SVIL: variants seen among roughly 807,000 people sequenced by gnomAD.
The protein encoded by SVIL is archvillin.
A neutral mutation model predicts 240.4 loss-of-function variants in SVIL; 101 were observed. The ratio of observed to expected loss-of-function variants is 0.42; its 90% CI spans 0.36 to 0.50. The LOEUF is 0.50. Ranked by LOEUF, SVIL falls within the 20% of genes least tolerant of loss-of-function variation. SVIL has a pLI of 0.01. For synonymous variants in SVIL, 999 were observed against 1,100.0 expected, an observed-to-expected ratio of 0.91 and a Z score of 1.82; for missense variants, 2,512 against 2,818.7, an observed-to-expected ratio of 0.89 and a Z score of 2.46.
chr10:29,505,168 C>T (rs1246521954), intron 17 of SVIL, among the ~76,000 whole-genome samples: 1 of 152,022 alleles, frequency 6.6e-6, no homozygotes, highest in African/African-American at 2.4e-5. Context: ...ACTAAAAATA[C>T]AAAACAATTA....
At chr10:29,552,173 T>C (rs1273336319) in intron 5 of SVIL, among the ~76,000 whole-genome samples, 2 of 151,950 alleles carry the variant, frequency 1.3e-5, no homozygotes, top group Non-Finnish European at 2.9e-5. Flanking sequence ...ACTAATAACA[T>C]TTTTATATAT....
upstream of SVIL, among the ~76,000 whole-genome samples, chr10:29,635,828 A>G (rs1958291374): frequency 6.6e-6 from 1 of 152,076 alleles, no homozygotes; most frequent in Non-Finnish European, 1.5e-5. Context: ...CAAACCCCAT[A>G]AGACTTGGGC....
chr10:29,638,274 C>A (rs557058773), upstream of SVIL, among the ~76,000 whole-genome samples: 1 of 152,110 alleles, frequency 6.6e-6, no homozygotes, highest in East Asian at 1.9e-4. Flanking sequence ...ACATCCTAGC[C>A]AACGTGGTGA....
chr10:29,580,171 AT>A (rs891188311), intron 1 of SVIL, among the ~76,000 whole-genome samples: 3 of 151,692 alleles, frequency 2.0e-5, no homozygotes, highest in African/African-American at 7.3e-5. Context: ...TCTACAAAAA[AT>A]TTAAAAAAAA....
chr10:29,593,186 A>C (rs1956455624), intron 1 of SVIL, among the ~76,000 whole-genome samples: 1 of 152,256 alleles, frequency 6.6e-6, no homozygotes, highest in African/African-American at 2.4e-5. Flanking sequence ...GTCATTTTAT[A>C]GTAAAATCAT....
In SVIL at chr10:29,515,420, A is replaced by C. The variant is rs114173245; in HGVS notation, c.3390-2559T>G. On this transcript the variant is annotated intron_variant, in intron 16 of 37. Coordinates refer to ENST00000355867, the MANE Select transcript of SVIL (RefSeq NM_021738.3). ...ATAATCTCACAAAATGAAATCATTA[A>C]AAGAAATTCATATTTGCATGCTGTA... is the stretch of plus-strand genomic sequence containing the variant. Among the ~76,000 whole-genome samples the C allele has an allele frequency of 1.3e-3, 198 of 152,360 alleles. 1 individual carries two copies. The highest frequency in any genetic ancestry group is 4.6e-3 in the African/African-American group (191 of 41,580).
chr10:29,723,326 G>A (rs1964099233), intron 1 of SVIL, among the ~76,000 whole-genome samples: 1 of 152,258 alleles, frequency 6.6e-6, no homozygotes, highest in African/African-American at 2.4e-5. Context: ...GTTGCAGTGA[G>A]CTGGGATCGT....
At position 29,488,722 on chromosome 10, in the gene SVIL, C is replaced by T. The variant is rs1286053190; in HGVS notation, c.4227G>A (p.Leu1409=). ...AGTTTTCTTTACTGGCTAAACCCGCCAGGGTGACTTCTGAGAAGTTGGAGT... is the reference window on the plus strand; with the variant it reads ...AGTTTTCTTTACTGGCTAAACCCGCTAGGGTGACTTCTGAGAAGTTGGAGT... ...SSNSNFSEVT[L]AGLASKENFS... is the part of the protein sequence containing the mutation. Residue 1409 remains leucine (L), a synonymous_variant, in exon 23 of 38, where the codon CTG becomes CTA. Transcript: ENST00000355867. 6.2e-7 allele frequency: 1 copy of T among 1,612,870 alleles called. No homozygotes were observed. The highest frequency in any genetic ancestry group is 2.2e-5 in the East Asian group (1 of 44,848).
intron 9 of SVIL, 43 bp downstream of exon 9, chr10:29,531,959 T>A: frequency 6.2e-7 from 1 of 1,606,808 alleles, no homozygotes; most frequent in Non-Finnish European, 8.5e-7. Flanking sequence ...CCTGTGTCAT[T>A]GCCACGTTCC....
intron 1 of SVIL, among the ~76,000 whole-genome samples, chr10:29,620,774 A>G (rs1418633030): frequency 6.6e-6 from 1 of 152,014 alleles, no homozygotes; most frequent in Non-Finnish European, 1.5e-5. Context: ...GCCCACTACC[A>G]CACCAAGCTA....
At chr10:29,571,000 T>C (rs1273598380) in intron 1 of SVIL, among the ~76,000 whole-genome samples, 1 of 152,202 alleles carries the variant, frequency 6.6e-6, no homozygotes, top group African/African-American at 2.4e-5. Context: ...AGCTCCCAAA[T>C]AGCTGGAAAA....
chr10:29,725,028 C>CAAAAAAAAAAAAAAAAAA (rs1187861054), intron 1 of SVIL, among the ~76,000 whole-genome samples: 1 of 40,942 alleles, frequency 2.4e-5, no homozygotes, highest in Non-Finnish European at 4.5e-5. Context: ...GACCCGGTCT[C>CAAAAAAAAAAAAAAAAAA]AAAAAAAAAA....
chr10:29,690,311 A>AT lies in SVIL; in HGVS notation c.-399-3661dup, dbSNP rs548818655. On this transcript the variant is annotated intron_variant, in intron 1 of 35. Coordinates refer to the SVIL transcript ENST00000375400. ...AACTTATTTTCATAGTTTTCAGTTA[A>AT]TTTTTTTCATGATAAAGTCCCAAAG... Among the ~76,000 whole-genome samples, 36 of 152,216 alleles carry AT rather than the reference A, an allele frequency of 2.4e-4. No individual in the cohort carries two copies. In the East Asian group the frequency reaches 4.2e-3, roughly 18 times the overall value.
intron 3 of SVIL, among the ~76,000 whole-genome samples, chr10:29,649,376 A>G (rs745567128): frequency 2.6e-5 from 4 of 152,196 alleles, no homozygotes; most frequent in African/African-American, 9.6e-5. Context: ...CCCCCACGGC[A>G]TGCCTCTTTC....
chr10:29,486,297 G>A (rs1242964975), intron 25 of SVIL, 67 bp from the exon 26 acceptor site: 4 of 1,595,466 alleles, frequency 2.5e-6, no homozygotes, highest in Non-Finnish European at 3.4e-6. Flanking sequence ...TGTAAAATGT[G>A]AATGAATTTC....
chr10:29,703,746 G>A (rs1962690571), intron 1 of SVIL, among the ~76,000 whole-genome samples: 1 of 152,230 alleles, frequency 6.6e-6, no homozygotes, highest in African/African-American at 2.4e-5. Context: ...AACAGTTGGG[G>A]AAAGTTAACA....
In SVIL at chr10:29,486,220, G is replaced by C. The variant is rs143247994; in HGVS notation, c.4644C>G (p.Asp1548Glu). The change falls in exon 26 of 38, where the codon GAC (aspartate) becomes GAG (glutamate). Residue 1548 changes from aspartate to glutamate, a missense_variant. Physicochemically the swap from Asp to Glu is conservative, Grantham distance 45. Coordinates refer to ENST00000355867, the MANE Select transcript of SVIL (RefSeq NM_021738.3). ...CTTCATAGAGTTCATCTTCTTTTGG[G>C]TCTCCAGCAGCTTGGGGATAAGAAG... ...GGQTSYQSAG[D>E]PKEDELYEAA... 1.9e-6 allele frequency: 3 copies of C among 1,614,016 alleles called. No homozygotes were observed. Among genetic ancestry groups the C allele is most frequent in the Non-Finnish European group, 2.5e-6 (3 of 1,180,014 alleles).
At chr10:29,622,106 C>T (rs951337855) in intron 1 of SVIL, among the ~76,000 whole-genome samples, 109 of 151,052 alleles carry the variant, frequency 7.2e-4, no homozygotes, top group Admixed American at 2.0e-3. Context: ...AAAAATTAGC[C>T]GGGCGTGGTG....
chr10:29,733,714 C>G (rs1281019666), intron 1 of SVIL, among the ~76,000 whole-genome samples: 1 of 152,210 alleles, frequency 6.6e-6, no homozygotes, highest in Non-Finnish European at 1.5e-5. Flanking sequence ...CCATTCTTCC[C>G]AGACTTTCCA....
Sources: gnomAD v4.1 joint callset for allele counts (sites outside exome capture counted in the v4.1 genomes callset) on GRCh38, gnomAD v4.1.1 for gene constraint, MANE v1.5 for transcripts, NCBI Gene and HGNC (gene_info 2026-07-23, HGNC 2026-07-21) for gene names.